Variants in VPS13C observed in about 807,000 individuals in gnomAD.
VPS13C encodes vacuolar protein sorting 13 homolog C, also known as intermembrane lipid transfer protein VPS13C.
VPS13C carries 358 observed loss-of-function variants against 456.8 expected under a neutral mutation model. The observed-to-expected ratio is 0.78, with a 90% CI of 0.72 to 0.86. VPS13C has a LOEUF of 0.86. Ranked by LOEUF, VPS13C falls within the 40% of genes least tolerant of loss-of-function variation. VPS13C has a pLI of 0.00. For synonymous variants in VPS13C, 1,578 were observed against 1,486.7 expected (o/e 1.06, Z -1.41); for missense variants, 4,818 against 4,385.4 (o/e 1.10, Z -2.79).
intron 9 of VPS13C, among the ~76,000 whole-genome samples, chr15:62,017,551 C>T (rs973701821): frequency 2.1e-4 from 32 of 152,108 alleles, no homozygotes; most frequent in African/African-American, 4.8e-5. Context: ...GAATCCTTTC[C>T]CCATTGCTTG....
At chr15:61,972,540 A>G (rs950982047) in intron 27 of VPS13C, 85 bp downstream of exon 27, 8 of 1,451,738 alleles carry the variant, frequency 5.5e-6, no homozygotes, top group Non-Finnish European at 7.5e-6. Context: ...TTTTTAATAT[A>G]CTTGACATTT....
At chr15:61,893,075 T>A (rs2042699634) in intron 66 of VPS13C, among the ~76,000 whole-genome samples, 1 of 151,982 alleles carries the variant, frequency 6.6e-6, no homozygotes, top group Non-Finnish European at 1.5e-5. Context: ...AATTAAAGAA[T>A]TAACAAGAAA....
Position 61,863,530 on chromosome 15 carries a change from T to C in VPS13C, c.10864-2A>G. 1 of 1,609,968 alleles carries C rather than the reference T, an allele frequency of 6.2e-7. No homozygotes were observed. Among genetic ancestry groups the C allele is most frequent in the Non-Finnish European group, 8.5e-7 (1 of 1,176,648 alleles). The stretch of plus-strand genomic sequence containing the variant: ...TCCTTCCAACTTTTTGATATGATTC[T>C]GAAAAGGAAACCAGGCTCTAGATTT... On this transcript the variant is annotated splice_acceptor_variant, in intron 81 of 84. Transcript: ENST00000644861. LOFTEE classifies it high-confidence loss of function.
intron 79 of VPS13C, among the ~76,000 whole-genome samples, chr15:61,870,008 G>A (rs1008013134): frequency 6.6e-5 from 10 of 152,068 alleles, no homozygotes; most frequent in Admixed American, 3.9e-4. Flanking sequence ...AATGCTGACC[G>A]TTAGATTTTT....
chr15:62,031,064 TAAA>T (rs1022359832), intron 5 of VPS13C, among the ~76,000 whole-genome samples: 1 of 152,012 alleles, frequency 6.6e-6, no homozygotes, highest in African/African-American at 2.4e-5. Context: ...TCCAATGAAA[TAAA>T]AGGAGAAAAA....
intron 82 of VPS13C, among the ~76,000 whole-genome samples, chr15:61,857,329 G>A (rs555452337): frequency 3.9e-5 from 6 of 152,246 alleles, no homozygotes; most frequent in African/African-American, 1.2e-4. Context: ...GATCGTACTG[G>A]CAAAGTAGGT....
rs1233065270 is a variant in VPS13C at position 61,867,390 on chromosome 15, T to C, written c.10863+1269A>G. On this transcript the variant is annotated intron_variant, in intron 81 of 84. Coordinates refer to ENST00000644861, the MANE Select transcript of VPS13C (RefSeq NM_020821.3). This position sits in a 1 kb window ranked among gnomAD's most constrained non-coding sequence, Gnocchi z 5.0. ...CAAAATTCATGTGCCAACTATTTAT[T>C]ACTTGAGGTCTAAGGGCAGGCTCAG... is the stretch of plus-strand genomic sequence containing the variant. 1 of 985,454 alleles carries C rather than the reference T, an allele frequency of 1.0e-6. No homozygotes were observed. The highest frequency in any genetic ancestry group is 1.7e-5 in the African/African-American group (1 of 57,234). 61.0% of individuals were successfully genotyped at this position (985,454 alleles called of 1,614,324 possible).
At position 61,860,933 on chromosome 15, in the gene VPS13C, T is replaced by G. The variant is rs562959479; in HGVS notation, c.10952+2507A>C. Among the ~76,000 whole-genome samples, 5 of 151,492 alleles carry G rather than the reference T, an allele frequency of 3.3e-5. No homozygotes were observed. The East Asian group carries it at 9.7e-4, about 29-fold the overall frequency. On this transcript the variant is annotated intron_variant, in intron 82 of 84. Transcript: ENST00000644861. The stretch of plus-strand genomic sequence containing the variant: ...TGTCCTAGGCAAACTAGAACGCATG[T>G]ATGGTTAGTTATTTTCTTTCTTTTT...
At chr15:61,989,725 C>G (rs1596437650) in intron 18 of VPS13C, among the ~76,000 whole-genome samples, 1 of 152,136 alleles carries the variant, frequency 6.6e-6, no homozygotes. Context: ...TACTTTTGCA[C>G]CAACCTAATA....
At chr15:61,917,954 G>A (rs1193556118) in intron 59 of VPS13C, among the ~76,000 whole-genome samples, 182 bp downstream of exon 59, 1 of 151,924 alleles carries the variant, frequency 6.6e-6, no homozygotes, top group Non-Finnish European at 1.5e-5. Context: ...CAAATATACA[G>A]TCAGGAATTT....
chr15:62,012,253 C>G (rs1025703913), intron 11 of VPS13C, 89 bp from the exon 12 acceptor site: 1 of 590,484 alleles, frequency 1.7e-6, no homozygotes, highest in African/African-American at 2.0e-5. Flanking sequence ...CACACACACA[C>G]ACACAAAGCT....
chr15:61,880,536 C>G (rs1471780771), intron 73 of VPS13C, 73 bp downstream of exon 73: 22 of 963,658 alleles, frequency 2.3e-5, no homozygotes, highest in Admixed American at 3.0e-5. Flanking sequence ...TTAAAACCTA[C>G]CTTGGTCCAC....
At chr15:62,042,179 A>C (rs1050859515) in intron 2 of VPS13C, among the ~76,000 whole-genome samples, 5 of 152,198 alleles carry the variant, frequency 3.3e-5, no homozygotes, top group African/African-American at 9.6e-5. Flanking sequence ...CGTTTAGATA[A>C]GTTACAGAGA....
chr15:61,967,324 G>C (rs200609240), intron 29 of VPS13C, 44 bp downstream of exon 29: 1 of 1,499,818 alleles, frequency 6.7e-7, no homozygotes, highest in Admixed American at 1.8e-5. Context: ...CAGAGAAATA[G>C]TTTGGAGTAA....
At position 61,880,958 on chromosome 15, in the gene VPS13C, AG is replaced by A. The variant is rs762269377; in HGVS notation, c.9777-5del. ...CTGAATGAGGACCATAAAATACCTA[AG>A]AAAAAAAATTTAAAATGGAAAAGGA... On this transcript the variant is annotated splice_polypyrimidine_tract_variant and splice_region_variant and intron_variant, in intron 71 of 84. Coordinates refer to ENST00000644861, the MANE Select transcript of VPS13C (RefSeq NM_020821.3). The A allele has an allele frequency of 2.5e-6, 4 of 1,574,812 alleles. No homozygotes were observed. The East Asian group carries it at 9.0e-5, about 35-fold the overall frequency.
intron 55 of VPS13C, among the ~76,000 whole-genome samples, 159 bp downstream of exon 55, chr15:61,921,788 G>C (rs545829646): frequency 6.6e-6 from 1 of 152,120 alleles, no homozygotes; most frequent in East Asian, 1.9e-4. Context: ...GAGAGAATGA[G>C]AATGAAAATG....
Position 61,854,523 on chromosome 15 carries a change from C to T in VPS13C, c.11196G>A (p.Thr3732=), listed in dbSNP as rs764071837. The change falls in exon 85 of 85, where the codon ACG becomes ACA. Residue 3732 remains threonine (T), a synonymous_variant. Transcript: ENST00000644861. ...GCTTCATCAATTTTTGCTGCTGTCT[C>T]GTTGACTGTGCATCCTCAATGGCAT... ...ACNAIEDAQS[T]RQQQKLMKQS... 24 of 1,613,954 alleles carry T rather than the reference C, an allele frequency of 1.5e-5. No homozygotes were observed. The highest frequency in any genetic ancestry group is 5.5e-5 in the South Asian group (5 of 91,088).
intron 42 of VPS13C, among the ~76,000 whole-genome samples, chr15:61,948,460 G>A (rs2044680471): frequency 6.6e-6 from 1 of 151,992 alleles, no homozygotes; most frequent in Non-Finnish European, 1.5e-5. Flanking sequence ...GGCAGGTGGA[G>A]CACCTGAGGT....
At chr15:61,872,317 C>T (rs547244512) in intron 78 of VPS13C, among the ~76,000 whole-genome samples, 1 of 152,202 alleles carries the variant, frequency 6.6e-6, no homozygotes, top group East Asian at 1.9e-4. Context: ...CACCAATCAG[C>T]TACGTAACCA....
Sources: allele counts gnomAD v4.1 joint callset (sites outside exome capture counted in the v4.1 genomes callset), GRCh38; gene constraint gnomAD v4.1.1; non-coding constraint Gnocchi (gnomAD v3.1); transcripts MANE v1.5; gene names NCBI Gene and HGNC (gene_info 2026-07-23, HGNC 2026-07-21).